Variants in NMT2 observed in about 807,000 individuals in gnomAD.
NMT2 encodes the protein N-myristoyltransferase 2, also known as glycylpeptide N-tetradecanoyltransferase 2.
Under a neutral mutation model 65.4 loss-of-function variants are expected in NMT2, and 35 were observed. That is an observed-to-expected ratio of 0.54 (90% CI 0.41 to 0.71). The LOEUF (loss-of-function observed/expected upper bound fraction) is 0.71, where lower values mean the gene tolerates loss of function less well. Among genes scored for constraint, NMT2 ranks in the 30% least tolerant of loss-of-function variants. NMT2 has a pLI of 0.00. For synonymous variants in NMT2, 226 were observed against 231.8 expected (o/e 0.98, Z 0.23); for missense variants, 489 against 611.3 (o/e 0.80, Z 2.11).
intron 4 of NMT2, 28 bp downstream of exon 4, chr10:15,133,217 T>C: frequency 6.2e-7 from 1 of 1,603,396 alleles, no homozygotes; most frequent in Non-Finnish European, 8.5e-7. Flanking sequence ...ATGCAGGAGT[T>C]GAATTTAAGA....
chr10:15,111,509 C>CAAAAAAAAAAAAAAAAAA (rs58537120), intron 10 of NMT2, among the ~76,000 whole-genome samples: 1 of 52,812 alleles, frequency 1.9e-5, no homozygotes, highest in Non-Finnish European at 4.0e-5. Flanking sequence ...AGACTCATCT[C>CAAAAAAAAAAAAAAAAAA]AAAAAAAAAA....
intron 3 of NMT2, among the ~76,000 whole-genome samples, chr10:15,134,673 C>T (rs1252253812): frequency 1.3e-5 from 2 of 152,094 alleles, no homozygotes; most frequent in Non-Finnish European, 2.9e-5. Flanking sequence ...ATCACAGAAC[C>T]TTATATACAT....
At chr10:15,138,211 A>T (rs544937165) in intron 2 of NMT2, among the ~76,000 whole-genome samples, 1 of 152,114 alleles carries the variant, frequency 6.6e-6, no homozygotes, top group African/African-American at 2.4e-5. Flanking sequence ...GGGTTTCACC[A>T]TGTCGGCCAG....
intron 8 of NMT2, among the ~76,000 whole-genome samples, chr10:15,126,084 C>T (rs1405103831): frequency 6.6e-6 from 1 of 152,104 alleles, no homozygotes; most frequent in African/African-American, 2.4e-5. Flanking sequence ...CTGGTGTGAT[C>T]TGCTCCTGTT....
intron 3 of NMT2, among the ~76,000 whole-genome samples, chr10:15,134,136 G>A (rs1846387097): frequency 6.6e-6 from 1 of 152,154 alleles, no homozygotes; most frequent in African/African-American, 2.4e-5. Context: ...ATAATTTCAA[G>A]GCTGGTTACT....
chr10:15,131,594 C>A (rs570123123), intron 6 of NMT2, among the ~76,000 whole-genome samples: 335 of 152,264 alleles, frequency 2.2e-3, no homozygotes, highest in Non-Finnish European at 3.0e-3. Context: ...AGAGCTGGTG[C>A]GCTCTGAACT....
intron 2 of NMT2, chr10:15,139,961 C>A (rs1165627979): frequency 7.0e-6 from 1 of 142,068 alleles, no homozygotes; most frequent in African/African-American, 2.5e-5. Flanking sequence ...CCAACTGGAA[C>A]CTCAAGATCG....
chr10:15,119,670 C>G (rs1448049955), intron 8 of NMT2, among the ~76,000 whole-genome samples, 157 bp from the exon 9 acceptor site: 1 of 152,158 alleles, frequency 6.6e-6, no homozygotes, highest in Non-Finnish European at 1.5e-5. Context: ...TCTAATGAAT[C>G]CGAATCTGCA....
Position 15,109,150 on chromosome 10 carries a change from A to G in NMT2, c.*45T>C. On this transcript the variant is annotated 3_prime_UTR_variant, in exon 12 of 12. Transcript: ENST00000378165. ...ATGGCAGTTCCAGAAATCATTAAATATTAACAAATGATGATGTCAGAGTTC... is the reference window on the plus strand; with the variant it reads ...ATGGCAGTTCCAGAAATCATTAAATGTTAACAAATGATGATGTCAGAGTTC... 6.3e-7 allele frequency: 1 copy of G among 1,598,496 alleles called. No individual in the cohort carries two copies. Among genetic ancestry groups the G allele is most frequent in the Non-Finnish European group, 8.5e-7 (1 of 1,175,604 alleles).
chr10:15,148,083 A>C (rs934134977), intron 1 of NMT2, among the ~76,000 whole-genome samples: 1 of 152,224 alleles, frequency 6.6e-6, no homozygotes, highest in Non-Finnish European at 1.5e-5. Flanking sequence ...CCAGGACTGC[A>C]GGCATTAAGT....
intron 1 of NMT2, among the ~76,000 whole-genome samples, chr10:15,154,048 C>T (rs1016805040): frequency 6.6e-6 from 1 of 152,214 alleles, no homozygotes; most frequent in African/African-American, 2.4e-5. Flanking sequence ...ATTTATCTTT[C>T]GTGAAAAGGT....
Position 15,135,192 on chromosome 10 carries a change from T to TTTGTTG in NMT2, c.391+76_391+81dup, listed in dbSNP as rs574625256. On this transcript the variant is annotated intron_variant, in intron 3 of 11. Coordinates refer to ENST00000378165, the MANE Select transcript of NMT2 (RefSeq NM_004808.3). ...CATGTGAAGTTAACACTCTTTGTGTTTTGTTGTTGTTGTTGTTGTTGTTGT... is the reference window on the plus strand; with the variant it reads ...CATGTGAAGTTAACACTCTTTGTGTTTTGTTGTTGTTGTTGTTGTTGTTGTTGTTGT... 2.5e-3 allele frequency: 3,151 copies of TTTGTTG among 1,247,778 alleles called. 27 individuals carry two copies. The highest frequency in any genetic ancestry group is 0.022 in the African/African-American group (1,445 of 65,690). The allele number at this position is 1,247,778 out of a possible 1,614,324, so 77.3% of individuals were successfully genotyped here. A position where few individuals can be genotyped will look rare whatever the true frequency, so the allele number is the denominator to read the frequency against.
chr10:15,109,584 AAT>A lies in NMT2; in HGVS notation c.1476+116_1476+117del. 7 of 817,612 alleles carry A rather than the reference AAT, an allele frequency of 8.6e-6. No individual in the cohort carries two copies. In the South Asian group the frequency reaches 1.8e-4, roughly 21 times the overall value. 50.6% of individuals were successfully genotyped at this position (817,612 alleles called of 1,614,324 possible). A position where few individuals can be genotyped will look rare whatever the true frequency, so the allele number is the denominator to read the frequency against. On this transcript the variant is annotated intron_variant, in intron 11 of 11. Coordinates refer to ENST00000378165, the MANE Select transcript of NMT2 (RefSeq NM_004808.3). ...AGACTTCATCTCAAAAAAATAAATA[AAT>A]AAATAAATAAAATGAACAAAAATAA...
intron 1 of NMT2, among the ~76,000 whole-genome samples, chr10:15,147,005 A>G (rs1010250174): frequency 6.8e-5 from 10 of 147,978 alleles, no homozygotes; most frequent in Admixed American, 4.2e-4. Context: ...GGGTGGGAGG[A>G]TCACCTGAGC....
intron 1 of NMT2, among the ~76,000 whole-genome samples, chr10:15,155,763 T>G (rs1160310817): frequency 6.6e-6 from 1 of 152,094 alleles, no homozygotes; most frequent in Admixed American, 6.6e-5. Context: ...AAGAAAGCAC[T>G]TTATGGCTTC....
chr10:15,142,470 G>A lies in NMT2; in HGVS notation c.111-913C>T, dbSNP rs546467604. 3.9e-5 allele frequency among the ~76,000 whole-genome samples: 6 copies of A among 152,302 alleles called. No homozygotes were observed. In the South Asian group the frequency reaches 1.2e-3, roughly 32 times the overall value. The stretch of plus-strand genomic sequence containing the variant: ...CCAGCTACTCAGGAGGCTGAGGTGG[G>A]AAGATAGCTTCAGCCTGGGAGACGG... On this transcript the variant is annotated intron_variant, in intron 1 of 11. Transcript: ENST00000378165.
Position 15,108,173 on chromosome 10 carries a change from G to C in NMT2, c.*1022C>G. On this transcript the variant is annotated 3_prime_UTR_variant, in exon 12 of 12. Coordinates refer to ENST00000378165, the MANE Select transcript of NMT2 (RefSeq NM_004808.3). ...ACAGCAGAAAAGTCTAGTTAGTCGC[G>C]GGTACAGGCTCTTTCTTTTTTTTTT... 1.0e-6 allele frequency: 1 copy of C among 984,400 alleles called. No individual in the cohort carries two copies. Among genetic ancestry groups the C allele is most frequent in the Non-Finnish European group, 1.2e-6 (1 of 829,802 alleles). The allele number at this position is 984,400 out of a possible 1,614,324, so 61.0% of individuals were successfully genotyped here.
chr10:15,129,272 T>C (rs1212432405), intron 7 of NMT2, among the ~76,000 whole-genome samples: 2 of 152,146 alleles, frequency 1.3e-5, no homozygotes, highest in African/African-American at 4.8e-5. Flanking sequence ...ACTTAACGAA[T>C]GTAATAATTT....
Position 15,135,401 on chromosome 10 carries a change from C to T in NMT2, c.264G>A (p.Met88Ile). ...QQPSKNPSVP[M>I]QKLQDIQRAM... ...CTCTCTGGATATCCTGCAACTTCTGCATTGGAACACTGGGATTCTACGACA... is the reference window on the plus strand; with the variant it reads ...CTCTCTGGATATCCTGCAACTTCTGTATTGGAACACTGGGATTCTACGACA... Residue 88 changes from methionine (M) to isoleucine (I), a missense_variant, in exon 3 of 12, where the codon ATG becomes ATA. Physicochemically the swap from Met to Ile is conservative, Grantham distance 10 (BLOSUM62 1). Coordinates refer to ENST00000378165, the MANE Select transcript of NMT2 (RefSeq NM_004808.3). The T allele has an allele frequency of 1.2e-6, 2 of 1,614,092 alleles. No individual in the cohort carries two copies. Among genetic ancestry groups the T allele is most frequent in the Non-Finnish European group, 1.7e-6 (2 of 1,180,004 alleles).
Sources: gnomAD v4.1 joint callset for allele counts (sites outside exome capture counted in the v4.1 genomes callset) on GRCh38, gnomAD v4.1.1 for gene constraint, MANE v1.5 for transcripts, NCBI Gene and HGNC (gene_info 2026-07-23, HGNC 2026-07-21) for gene names.